EHD4: variants seen among roughly 807,000 people sequenced by gnomAD.
EHD4 encodes the protein EH domain-containing protein 4.
EHD4 carries 37 observed loss-of-function variants against 51.0 expected under a neutral mutation model. The ratio of observed to expected loss-of-function variants is 0.73; its 90% CI spans 0.56 to 0.95. The LOEUF is 0.95. EHD4 is among the 40% of genes least tolerant of loss of function. The pLI is 0.00. For synonymous variants in EHD4, 297 were observed against 317.3 expected, an observed-to-expected ratio of 0.94 and a Z score of 0.68; for missense variants, 632 against 733.1, an observed-to-expected ratio of 0.86 and a Z score of 1.59.
intron 1 of EHD4, among the ~76,000 whole-genome samples, chr15:41,969,254 G>A (rs775784889): frequency 1.3e-5 from 2 of 152,214 alleles, no homozygotes; most frequent in Non-Finnish European, 2.9e-5. Flanking sequence ...TCTTAAAAAT[G>A]TGTAGTTTGG....
chr15:41,950,068 C>T (rs1037164879), intron 2 of EHD4, among the ~76,000 whole-genome samples: 1 of 152,248 alleles, frequency 6.6e-6, no homozygotes, highest in African/African-American at 2.4e-5. Flanking sequence ...GAATGTCTCA[C>T]TAAAGCCATT....
chr15:41,962,394 T>C (rs541353504), intron 1 of EHD4, among the ~76,000 whole-genome samples: 84 of 152,204 alleles, frequency 5.5e-4, no homozygotes, highest in Non-Finnish European at 1.1e-3. Flanking sequence ...GATGGTATGG[T>C]GTTGGCATAA....
intron 2 of EHD4, among the ~76,000 whole-genome samples, chr15:41,949,484 C>T (rs575300420): frequency 2.0e-5 from 3 of 152,158 alleles, no homozygotes; most frequent in East Asian, 1.9e-4. Flanking sequence ...AATACACCTG[C>T]GTATTTTATG....
At chr15:41,931,059 A>AGGCCGCCGCTCCTTTT in intron 3 of EHD4, among the ~76,000 whole-genome samples, 1 of 152,348 alleles carries the variant, frequency 6.6e-6, no homozygotes, top group South Asian at 2.1e-4. Context: ...CATAATAAAA[A>AGGCCGCCGCTCCTTTT]GACCGCCGCT....
At chr15:41,952,364 C>G (rs2067858005) in intron 2 of EHD4, among the ~76,000 whole-genome samples, 1 of 152,186 alleles carries the variant, frequency 6.6e-6, no homozygotes, top group Non-Finnish European at 1.5e-5. Context: ...TCTGTGCCTC[C>G]TACAACCCAC....
rs1477564392 is a variant in EHD4, at chr15:41,972,308, T to C, written c.187A>G (p.Met63Val). ...LEDADFENKP[M>V]ILLVGQYSTG... ...CTGTACTGGCCCACCAGCAGGATCA[T>C]GGGCTTGTTCTCGAAGTCGGCGTCC... Residue 63 changes from methionine to valine, a missense_variant, in exon 1 of 6, where the codon ATG becomes GTG. Transcript: ENST00000220325. The C allele has an allele frequency of 2.5e-6, 4 of 1,610,898 alleles. No individual in the cohort carries two copies. Among genetic ancestry groups the C allele is most frequent in the African/African-American group, 2.7e-5 (2 of 74,420 alleles).
At chr15:41,954,707 G>A (rs770863575) in intron 1 of EHD4, among the ~76,000 whole-genome samples, 1 of 151,854 alleles carries the variant, frequency 6.6e-6, no homozygotes, top group African/African-American at 2.4e-5. Context: ...GTGCAATCTC[G>A]GCTCACTGCT....
chr15:41,946,349 G>A (rs1416595428), intron 2 of EHD4, among the ~76,000 whole-genome samples: 2 of 152,138 alleles, frequency 1.3e-5, no homozygotes, highest in African/African-American at 2.4e-5. Flanking sequence ...TCTAAGGAAG[G>A]GCCAGGGGTA....
intron 3 of EHD4, 139 bp from the exon 4 acceptor site, chr15:41,919,761 T>C: frequency 1.2e-6 from 1 of 819,042 alleles, no homozygotes. Flanking sequence ...GGAGGCCTGG[T>C]GACATGAAAA....
intron 1 of EHD4, among the ~76,000 whole-genome samples, chr15:41,956,449 C>T (rs1454353901): frequency 6.6e-6 from 1 of 152,196 alleles, no homozygotes; most frequent in Non-Finnish European, 1.5e-5. Context: ...TCGAGGAGTG[C>T]CTGAATTACT....
intron 3 of EHD4, among the ~76,000 whole-genome samples, chr15:41,939,424 G>GT (rs1272993324): frequency 6.6e-5 from 10 of 152,164 alleles, no homozygotes; most frequent in African/African-American, 2.4e-4. Context: ...GCCAGGCATG[G>GT]TGGCTCACAC....
Position 41,900,231 on chromosome 15 carries a change from A to C in EHD4, c.*414T>G. Reference sequence around the variant, plus strand: ...GCTGCCTCCAGGTGCCCTCTGAGGGACAGACAGCTGCTCCAGAGTTGTTCA... The same window carrying C: ...GCTGCCTCCAGGTGCCCTCTGAGGGCCAGACAGCTGCTCCAGAGTTGTTCA... On this transcript the variant is annotated 3_prime_UTR_variant, in exon 6 of 6. Coordinates refer to ENST00000220325, the MANE Select transcript of EHD4 (RefSeq NM_139265.4). This position sits in a 1 kb window ranked among gnomAD's most constrained non-coding sequence, Gnocchi z 4.8. The C allele has an allele frequency of 5.2e-6, 1 of 191,394 alleles. No homozygotes were observed. Among genetic ancestry groups the C allele is most frequent in the Non-Finnish European group, 1.1e-5 (1 of 94,216 alleles). 11.9% of individuals were successfully genotyped at this position (191,394 alleles called of 1,614,324 possible). A position where few individuals can be genotyped will look rare whatever the true frequency, so the allele number is the denominator to read the frequency against.
rs2067459113 is a variant in EHD4, at chr15:41,899,143, C to T, written c.*1502G>A. On this transcript the variant is annotated 3_prime_UTR_variant, in exon 6 of 6. Coordinates refer to ENST00000220325, the MANE Select transcript of EHD4 (RefSeq NM_139265.4). ...CATTCACTTCTGGTGCCAGCAGGCC[C>T]CCATACCATGTGGCCATTGCTGTTT... 6.6e-6 allele frequency: 1 copy of T among 152,186 alleles called. No homozygotes were observed. Among genetic ancestry groups the T allele is most frequent in the Non-Finnish European group, 1.5e-5 (1 of 68,042 alleles). The allele number at this position is 152,186 out of a possible 1,614,324, so 9.4% of individuals were successfully genotyped here.
At chr15:41,916,210 T>C (rs2067582687) in intron 4 of EHD4, among the ~76,000 whole-genome samples, 1 of 152,212 alleles carries the variant, frequency 6.6e-6, no homozygotes, top group South Asian at 2.1e-4. Flanking sequence ...GAGACTTTTA[T>C]GGAATAAATA....
chr15:41,952,361 C>T (rs964805334), intron 2 of EHD4, among the ~76,000 whole-genome samples: 4 of 152,196 alleles, frequency 2.6e-5, no homozygotes, highest in Non-Finnish European at 5.9e-5. Flanking sequence ...AGCTCTGTGC[C>T]TCCTACAACC....
At chr15:41,944,304 G>A (rs1286341861) in intron 2 of EHD4, among the ~76,000 whole-genome samples, 2 of 152,168 alleles carry the variant, frequency 1.3e-5, no homozygotes, top group Admixed American at 6.5e-5. Flanking sequence ...TGGGCACCAG[G>A]GTCTGGGATG....
At chr15:41,967,298 A>AG (rs2141011162) in intron 1 of EHD4, among the ~76,000 whole-genome samples, 1 of 152,266 alleles carries the variant, frequency 6.6e-6, no homozygotes, top group African/African-American at 2.4e-5. Flanking sequence ...AGCCTGAATG[A>AG]GGGGGTCCCT....
intron 1 of EHD4, among the ~76,000 whole-genome samples, chr15:41,965,769 T>C (rs1355786066): frequency 6.6e-6 from 1 of 152,130 alleles, no homozygotes; most frequent in African/African-American, 2.4e-5. Context: ...TGAATGTGAG[T>C]TAGGGAAGAT....
At position 41,972,273 on chromosome 15, in the gene EHD4, C is replaced by T. The variant is rs2068002582; in HGVS notation, c.222G>A (p.Lys74=). Residue 74 remains lysine, a synonymous_variant, in exon 1 of 6, where the codon AAG becomes AAA. Transcript: ENST00000220325. ...ILLVGQYSTG[K]TTFIRYLLEQ... ...GGTGACGGTACCTGATGAAGGTGGTCTTGCCGGTGCTGTACTGGCCCACCA... is the reference window on the plus strand; with the variant it reads ...GGTGACGGTACCTGATGAAGGTGGTTTTGCCGGTGCTGTACTGGCCCACCA... The T allele has an allele frequency of 6.4e-7, 1 of 1,574,548 alleles. No homozygotes were observed. The highest frequency in any genetic ancestry group is 1.4e-5 in the African/African-American group (1 of 71,094).
Sources: gnomAD v4.1 joint callset for allele counts (sites outside exome capture counted in the v4.1 genomes callset) on GRCh38, gnomAD v4.1.1 for gene constraint, Gnocchi (gnomAD v3.1) non-coding constraint, MANE v1.5 for transcripts, NCBI Gene and HGNC (gene_info 2026-07-23, HGNC 2026-07-21) for gene names.